Variants in MKLN1 observed in about 807,000 individuals in gnomAD.
MKLN1 encodes the protein muskelin 1, also known as muskelin.
Under a neutral mutation model 99.0 loss-of-function variants are expected in MKLN1, and 18 were observed. The observed-to-expected ratio is 0.18, with a 90% confidence interval of 0.13 to 0.27. MKLN1 has a LOEUF of 0.27. Ranked by LOEUF, MKLN1 falls within the 10% of genes least tolerant of loss-of-function variation. MKLN1 has a pLI of 1.00. For synonymous variants in MKLN1, 288 were observed against 293.2 expected, an observed-to-expected ratio of 0.98 and a Z score of 0.18; for missense variants, 621 against 875.9, an observed-to-expected ratio of 0.71 and a Z score of 3.67.
At chr7:131,205,112 A>G (rs1228670473) in intron 3 of MKLN1, among the ~76,000 whole-genome samples, 16 of 152,018 alleles carry the variant, frequency 1.1e-4, no homozygotes, top group Non-Finnish European at 4.4e-5. Flanking sequence ...AAAAAAAAGA[A>G]AAAGAAAAAG....
intron 3 of MKLN1, among the ~76,000 whole-genome samples, chr7:131,286,429 A>G (rs1466019889): frequency 1.3e-5 from 2 of 152,158 alleles, no homozygotes; most frequent in Admixed American, 1.3e-4. Context: ...GCTAAAAGTA[A>G]ATGTAGCTTT....
Position 131,445,896 on chromosome 7 carries a change from T to C in MKLN1, c.1518T>C (p.Ser506=). 6.3e-7 allele frequency: 1 copy of C among 1,597,888 alleles called. No individual in the cohort carries two copies. Among genetic ancestry groups the C allele is most frequent in the Non-Finnish European group, 8.5e-7 (1 of 1,170,028 alleles). Residue 506 remains serine (S), a synonymous_variant, in exon 12 of 18, where the codon TCT becomes TCC. Coordinates refer to ENST00000352689, the MANE Select transcript of MKLN1 (RefSeq NM_013255.5). ...TATCAGATGGCACCAAGAAAGACTC[T>C]GGGATGGGTAAGGGCATTGAGTGAT... ...DIISDGTKKD[S]GMVPMTGFTQ...
chr7:131,421,132 A>G (rs529104653), intron 8 of MKLN1, among the ~76,000 whole-genome samples: 125 of 152,324 alleles, frequency 8.2e-4, no homozygotes, highest in Admixed American at 3.9e-3. Flanking sequence ...TGCATTTGTT[A>G]AAGTAAAATT....
At chr7:131,212,935 A>AG (rs368048284) in intron 3 of MKLN1, among the ~76,000 whole-genome samples, 7 of 102,754 alleles carry the variant, frequency 6.8e-5, no homozygotes, top group African/African-American at 2.1e-4. Context: ...AAAAAAAAAA[A>AG]CAAAAAACAC....
chr7:131,464,747 G>T (rs1796611442), intron 14 of MKLN1, among the ~76,000 whole-genome samples: 1 of 152,170 alleles, frequency 6.6e-6, no homozygotes. Context: ...TAGGTACCTT[G>T]TTCCGTGATA....
Position 131,493,138 on chromosome 7 carries a change from A to G in MKLN1, c.*5410A>G, listed in dbSNP as rs1562894400. Reference sequence around the variant, plus strand: ...CTGAAAGCTGTAGGATCAATGGCAAAAAAGGGGAAATGTTTGGTAGGGAAT... The same window carrying G: ...CTGAAAGCTGTAGGATCAATGGCAAGAAAGGGGAAATGTTTGGTAGGGAAT... On this transcript the variant is annotated 3_prime_UTR_variant, in exon 18 of 18. Transcript: ENST00000352689. 1 of 152,210 alleles carries G rather than the reference A, an allele frequency of 6.6e-6. No homozygotes were observed. The allele number at this position is 152,210 out of a possible 1,614,324, so 9.4% of individuals were successfully genotyped here. A position where few individuals can be genotyped will look rare whatever the true frequency, so the allele number is the denominator to read the frequency against.
chr7:131,220,897 A>G (rs1797050455), intron 3 of MKLN1, among the ~76,000 whole-genome samples: 1 of 152,194 alleles, frequency 6.6e-6, no homozygotes, highest in Non-Finnish European at 1.5e-5. Flanking sequence ...TTAATTAATG[A>G]TATTATATAA....
chr7:131,176,964 G>A (rs996732648), intron 2 of MKLN1, among the ~76,000 whole-genome samples: 4 of 152,174 alleles, frequency 2.6e-5, no homozygotes, highest in African/African-American at 9.7e-5. Flanking sequence ...TGCTAGGCTG[G>A]GAGGGATGGT....
At chr7:131,474,980 A>T (rs966632521) in intron 16 of MKLN1, among the ~76,000 whole-genome samples, 1 of 152,148 alleles carries the variant, frequency 6.6e-6, no homozygotes, top group Non-Finnish European at 1.5e-5. Flanking sequence ...AATGCCACAC[A>T]TGTTTAAACC....
At chr7:131,139,503 C>A (rs564210517) in intron 1 of MKLN1, among the ~76,000 whole-genome samples, 10 of 152,132 alleles carry the variant, frequency 6.6e-5, no homozygotes, top group Non-Finnish European at 1.5e-4. Context: ...CTAGAGAGGC[C>A]CCCTGCTTGG....
At chr7:131,142,779 A>G in intron 1 of MKLN1, 1 of 483,272 alleles carries the variant, frequency 2.1e-6, no homozygotes, top group Non-Finnish European at 3.7e-6. Flanking sequence ...CAATTAATAG[A>G]GGTAGACTTC....
intron 17 of MKLN1, among the ~76,000 whole-genome samples, chr7:131,486,240 GA>G (rs1177005020): frequency 7.2e-6 from 1 of 138,936 alleles, no homozygotes; most frequent in Non-Finnish European, 1.6e-5. Context: ...AGTTGAAAAA[GA>G]AGCAATTTGG....
intron 1 of MKLN1, among the ~76,000 whole-genome samples, chr7:131,348,213 T>C (rs1799619016): frequency 6.6e-6 from 1 of 152,230 alleles, no homozygotes; most frequent in South Asian, 2.1e-4. Context: ...TATTAATATA[T>C]GAAGAGAGCA....
chr7:131,357,543 C>T (rs951370695), intron 1 of MKLN1, among the ~76,000 whole-genome samples: 12 of 152,118 alleles, frequency 7.9e-5, no homozygotes, highest in Non-Finnish European at 1.5e-4. Flanking sequence ...GTCTCTTCCG[C>T]CATACTAATT....
intron 1 of MKLN1, among the ~76,000 whole-genome samples, chr7:131,357,854 A>G (rs183940588): frequency 1.1e-4 from 17 of 152,274 alleles, no homozygotes; most frequent in African/African-American, 3.6e-4. Flanking sequence ...GCATAAAAAA[A>G]CAAAATCTGG....
At chr7:131,422,721 C>CT (rs1207161804) in intron 8 of MKLN1, among the ~76,000 whole-genome samples, 2 of 150,888 alleles carry the variant, frequency 1.3e-5, no homozygotes, top group South Asian at 2.1e-4. Flanking sequence ...CTTTTGTTTT[C>CT]TTTTTTTAGT....
intron 3 of MKLN1, chr7:131,242,645 T>C: frequency 1.8e-6 from 1 of 569,838 alleles, no homozygotes. Context: ...CTGGATGCTA[T>C]TCTGGATGCA....
intron 2 of MKLN1, among the ~76,000 whole-genome samples, chr7:131,167,671 C>CA (rs59503509): frequency 0.12 from 13,715 of 115,944 alleles, 838 homozygotes; most frequent in South Asian, 0.19. Context: ...GACTCTGTCT[C>CA]AAAAAAAAAA....
At chr7:131,288,987 A>C in intron 3 of MKLN1, among the ~76,000 whole-genome samples, 1 of 151,858 alleles carries the variant, frequency 6.6e-6, no homozygotes, top group East Asian at 1.9e-4. Context: ...AAAAAAAAAA[A>C]TTATTTTTTT....
Sources: allele counts gnomAD v4.1 joint callset (sites outside exome capture counted in the v4.1 genomes callset), GRCh38; gene constraint gnomAD v4.1.1; transcripts MANE v1.5; gene names NCBI Gene and HGNC (gene_info 2026-07-23, HGNC 2026-07-21).